Variants in ANKS1B observed in about 807,000 individuals in gnomAD.
ANKS1B encodes the protein ankyrin repeat and sterile alpha motif domain-containing protein 1B.
A neutral mutation model predicts 148.3 loss-of-function variants in ANKS1B; 36 were observed. That is an observed-to-expected ratio of 0.24 (90% CI 0.19 to 0.32). ANKS1B has a LOEUF of 0.32. ANKS1B is among the 10% of genes least tolerant of loss of function. The pLI, the probability that ANKS1B is intolerant of heterozygous loss-of-function variation, is 1.00. For synonymous variants in ANKS1B, 542 were observed against 560.8 expected, an observed-to-expected ratio of 0.97 and a Z score of 0.47; for missense variants, 1,157 against 1,542.6, an observed-to-expected ratio of 0.75 and a Z score of 4.19.
chr12:99,185,177 TTGAC>T (rs1298939494), intron 14 of ANKS1B, among the ~76,000 whole-genome samples: 1 of 152,188 alleles, frequency 6.6e-6, no homozygotes, highest in Non-Finnish European at 1.5e-5. Context: ...TATCAGATCA[TTGAC>T]TGATTCTTCA....
rs142968347 is a variant in ANKS1B, at chr12:99,880,035, A to G, written c.135-54646T>C. 1.6e-3 allele frequency among the ~76,000 whole-genome samples: 249 copies of G among 152,290 alleles called. 1 individual carries two copies. The highest frequency in any genetic ancestry group is 5.7e-3 in the African/African-American group (237 of 41,562). ...TTAAATCCTGTCTCTACCACTTTAC[A>G]AGATGCATAATCTTGCACACATTCT... On this transcript the variant is annotated intron_variant, in intron 1 of 26. Transcript: ENST00000683438.
At chr12:99,579,962 A>G (rs571402552) in intron 9 of ANKS1B, among the ~76,000 whole-genome samples, 10 of 152,206 alleles carry the variant, frequency 6.6e-5, no homozygotes, top group Admixed American at 2.0e-4. Flanking sequence ...ATGCCCATCA[A>G]TGGAGGACTG....
intron 1 of ANKS1B, among the ~76,000 whole-genome samples, chr12:99,869,491 T>G (rs1174824585): frequency 2.0e-5 from 3 of 151,838 alleles, no homozygotes; most frequent in Admixed American, 6.6e-5. Context: ...CTGACCAACA[T>G]GGAGAAACCC....
chr12:99,759,754 TG>T (rs143301694), intron 8 of ANKS1B, among the ~76,000 whole-genome samples: 3,972 of 152,024 alleles, frequency 0.026, 76 homozygotes, highest in South Asian at 0.039. Context: ...AAGGTAAATG[TG>T]AAAAGTGACT....
chr12:98,867,740 T>C (rs982398416), intron 17 of ANKS1B, among the ~76,000 whole-genome samples: 1 of 151,758 alleles, frequency 6.6e-6, no homozygotes, highest in Admixed American at 6.6e-5. Context: ...CGGGCACCTG[T>C]AGTCCCAGCT....
At chr12:99,122,581 CT>C (rs1165345574) in intron 15 of ANKS1B, among the ~76,000 whole-genome samples, 1 of 152,146 alleles carries the variant, frequency 6.6e-6, no homozygotes, top group Non-Finnish European at 1.5e-5. Context: ...AGGTAAATAA[CT>C]CCTAATATGA....
At chr12:98,892,531 G>C (rs2099754807) in intron 17 of ANKS1B, among the ~76,000 whole-genome samples, 1 of 152,154 alleles carries the variant, frequency 6.6e-6, no homozygotes, top group South Asian at 2.1e-4. Context: ...TCTGACCAAA[G>C]GTAATCATAT....
chr12:99,294,742 C>T (rs1359714953), intron 12 of ANKS1B, among the ~76,000 whole-genome samples: 1 of 152,076 alleles, frequency 6.6e-6, no homozygotes, highest in Non-Finnish European at 1.5e-5. Context: ...CAATCCCCGC[C>T]TTCCAGGTTC....
At chr12:98,911,926 G>A (rs2099787367) in intron 17 of ANKS1B, among the ~76,000 whole-genome samples, 1 of 152,124 alleles carries the variant, frequency 6.6e-6, no homozygotes, top group Non-Finnish European at 1.5e-5. Flanking sequence ...GGGACACCTT[G>A]ACTGGGTGCC....
intron 17 of ANKS1B, among the ~76,000 whole-genome samples, chr12:99,043,719 C>G (rs1306955946): frequency 1.3e-5 from 2 of 152,188 alleles, no homozygotes; most frequent in East Asian, 3.8e-4. Flanking sequence ...AAATCCCAAG[C>G]TATAAAATCA....
At chr12:98,832,778 T>C (rs1351535040) in intron 17 of ANKS1B, among the ~76,000 whole-genome samples, 3 of 152,158 alleles carry the variant, frequency 2.0e-5, no homozygotes, top group Non-Finnish European at 4.4e-5. Flanking sequence ...CCTCATTTTA[T>C]CACACTCTAA....
At chr12:99,027,217 G>A (rs2099949254) in intron 17 of ANKS1B, among the ~76,000 whole-genome samples, 2 of 152,176 alleles carry the variant, frequency 1.3e-5, no homozygotes, top group African/African-American at 4.8e-5. Context: ...TTTAATATGT[G>A]CATTTCTACA....
intron 12 of ANKS1B, among the ~76,000 whole-genome samples, chr12:99,272,023 A>C (rs2077105050): frequency 6.6e-6 from 1 of 152,084 alleles, no homozygotes; most frequent in Non-Finnish European, 1.5e-5. Context: ...TGGGAGATGG[A>C]ATCAGTGATT....
chr12:99,459,131 C>T (rs548461284), intron 10 of ANKS1B, among the ~76,000 whole-genome samples: 2 of 152,182 alleles, frequency 1.3e-5, no homozygotes, highest in South Asian at 2.1e-4. Flanking sequence ...AAATGTGATA[C>T]ACCACATAAA....
At chr12:99,158,651 T>C (rs1263118852) in intron 14 of ANKS1B, among the ~76,000 whole-genome samples, 1 of 152,054 alleles carries the variant, frequency 6.6e-6, no homozygotes, top group Non-Finnish European at 1.5e-5. Flanking sequence ...CTTTGCAAAG[T>C]GTCCTAAGAG....
At chr12:99,024,120 C>T (rs1040673707) in intron 17 of ANKS1B, among the ~76,000 whole-genome samples, 8 of 151,896 alleles carry the variant, frequency 5.3e-5, no homozygotes, top group Admixed American at 1.3e-4. Flanking sequence ...TTTAATCATT[C>T]CTCTTTATTC....
chr12:99,973,622 C>A (rs898953097), intron 1 of ANKS1B, among the ~76,000 whole-genome samples: 2 of 152,068 alleles, frequency 1.3e-5, no homozygotes, highest in African/African-American at 4.8e-5. Context: ...GGGAGGAGGC[C>A]AACATTAACA....
chr12:99,012,010 G>A (rs2099939733), intron 17 of ANKS1B, among the ~76,000 whole-genome samples: 1 of 152,114 alleles, frequency 6.6e-6, no homozygotes, highest in African/African-American at 2.4e-5. Flanking sequence ...CATGTTGAGG[G>A]TGGTGGACTG....
intron 8 of ANKS1B, among the ~76,000 whole-genome samples, chr12:99,679,756 T>A (rs950962243): frequency 1.3e-5 from 2 of 152,246 alleles, no homozygotes; most frequent in Non-Finnish European, 2.9e-5. Flanking sequence ...CATTGTAGAT[T>A]ATGGAAGAAA....
Sources: allele counts gnomAD v4.1 joint callset (sites outside exome capture counted in the v4.1 genomes callset), GRCh38; gene constraint gnomAD v4.1.1; transcripts MANE v1.5; gene names NCBI Gene and HGNC (gene_info 2026-07-23, HGNC 2026-07-21).